Variants in GIN1 observed in about 807,000 individuals in gnomAD.
GIN1 encodes gypsy retrotransposon integrase-like protein 1.
GIN1 carries 41 observed loss-of-function variants against 51.4 expected under a neutral mutation model. The observed-to-expected ratio is 0.80, with a 90% CI of 0.62 to 1.04. The LOEUF (loss-of-function observed/expected upper bound fraction) is 1.04, where lower values mean the gene tolerates loss of function less well. Ranked by LOEUF, GIN1 falls within the 50% of genes least tolerant of loss-of-function variation. The pLI is 0.00. For synonymous variants in GIN1, 222 were observed against 206.5 expected, an observed-to-expected ratio of 1.07 and a Z score of -0.64; for missense variants, 610 against 612.4, an observed-to-expected ratio of 1.00 and a Z score of 0.04.
chr5:103,111,499 G>A (rs1252232850), intron 1 of GIN1, among the ~76,000 whole-genome samples: 1 of 152,118 alleles, frequency 6.6e-6, no homozygotes, highest in Non-Finnish European at 1.5e-5. Context: ...TTTATAAAAG[G>A]AAGATAAAAA....
intron 4 of GIN1, among the ~76,000 whole-genome samples, chr5:103,101,900 C>T (rs782090026): frequency 3.9e-5 from 6 of 152,282 alleles, no homozygotes; most frequent in Admixed American, 6.5e-5. Flanking sequence ...ATGGCCTTTA[C>T]GTACTCCATT....
chr5:103,105,327 G>C (rs1787694569), intron 3 of GIN1, among the ~76,000 whole-genome samples: 1 of 151,858 alleles, frequency 6.6e-6, no homozygotes, highest in South Asian at 2.1e-4. Flanking sequence ...ATCTTATTGG[G>C]TCTTATTCAC....
rs922906566 is a variant in GIN1 at position 103,086,950 on chromosome 5, T to C, written c.*948A>G. 3 of 152,252 alleles carry C rather than the reference T, an allele frequency of 2.0e-5. No homozygotes were observed. 9.4% of individuals were successfully genotyped at this position (152,252 alleles called of 1,614,324 possible). On this transcript the variant is annotated 3_prime_UTR_variant, in exon 8 of 8. Transcript: ENST00000399004. ...TACTGGTTATTTTATGATTTTATGATTGCAGAAAAAATTCTTAACGGATAC... is the reference window on the plus strand; with the variant it reads ...TACTGGTTATTTTATGATTTTATGACTGCAGAAAAAATTCTTAACGGATAC...
chr5:103,090,200 A>C (rs1381751198), intron 7 of GIN1, among the ~76,000 whole-genome samples: 4 of 152,194 alleles, frequency 2.6e-5, no homozygotes, highest in Non-Finnish European at 4.4e-5. Context: ...TAGGTGAGAG[A>C]ATTGCTTGAA....
intron 1 of GIN1, among the ~76,000 whole-genome samples, chr5:103,114,609 C>T (rs543008092): frequency 1.6e-4 from 24 of 152,196 alleles, no homozygotes; most frequent in African/African-American, 4.6e-4. Flanking sequence ...TATCTTTCAA[C>T]GTTCACATTA....
chr5:103,116,835 A>T (rs1414844640), intron 1 of GIN1, among the ~76,000 whole-genome samples: 1 of 152,030 alleles, frequency 6.6e-6, no homozygotes, highest in Non-Finnish European at 1.5e-5. Context: ...ACATCAATAG[A>T]TAATAAAAAA....
At chr5:103,108,463 A>G in intron 2 of GIN1, 106 bp downstream of exon 2, 1 of 722,328 alleles carries the variant, frequency 1.4e-6, no homozygotes, top group Non-Finnish European at 2.3e-6. Context: ...TCAACTGGTA[A>G]TTGTTTAGCA....
In GIN1 at chr5:103,086,612, G is replaced by C. The variant is rs1450620430; in HGVS notation, c.*1286C>G. 3.9e-5 allele frequency: 6 copies of C among 152,110 alleles called. No homozygotes were observed. In the East Asian group the frequency reaches 1.2e-3, roughly 29 times the overall value. The allele number at this position is 152,110 out of a possible 1,614,324, so 9.4% of individuals were successfully genotyped here. ...AATCCTATACATTCTTCAAGGTCAA[G>C]CTTAAATGATCCTTCTTCCATAAGG... is the stretch of plus-strand genomic sequence containing the variant. On this transcript the variant is annotated 3_prime_UTR_variant, in exon 8 of 8. Coordinates refer to ENST00000399004, the MANE Select transcript of GIN1 (RefSeq NM_017676.2).
Position 103,087,874 on chromosome 5 carries a change from AAT to A in GIN1, c.*22_*23del. 1.0e-6 allele frequency: 1 copy of A among 993,848 alleles called. No homozygotes were observed. Among genetic ancestry groups the A allele is most frequent in the Non-Finnish European group, 1.5e-6 (1 of 683,826 alleles). 61.6% of individuals were successfully genotyped at this position (993,848 alleles called of 1,614,324 possible). ...TTAAGAATTTATATTCTAAACAAAC[AAT>A]TTAAATAAATTTTGGTATTTACTAA... is the stretch of plus-strand genomic sequence containing the variant. On this transcript the variant is annotated 3_prime_UTR_variant, in exon 8 of 8. Transcript: ENST00000399004.
At chr5:103,095,713 A>G (rs1787373377) in intron 7 of GIN1, among the ~76,000 whole-genome samples, 1 of 152,154 alleles carries the variant, frequency 6.6e-6, no homozygotes, top group African/African-American at 2.4e-5. Flanking sequence ...CTAGAGGCCA[A>G]GAGTTCAAAA....
At chr5:103,114,284 C>A (rs1196065602) in intron 1 of GIN1, among the ~76,000 whole-genome samples, 1 of 152,154 alleles carries the variant, frequency 6.6e-6, no homozygotes, top group African/African-American at 2.4e-5. Flanking sequence ...GACAGGAATA[C>A]CTGTACCAGT....
chr5:103,104,566 T>C lies in GIN1; in HGVS notation c.614A>G (p.Asp205Gly). 6.5e-7 allele frequency: 1 copy of C among 1,531,684 alleles called. No individual in the cohort carries two copies. Among genetic ancestry groups the C allele is most frequent in the Non-Finnish European group, 9.0e-7 (1 of 1,107,910 alleles). The allele number at this position is 1,531,684 out of a possible 1,614,324, so 94.9% of individuals were successfully genotyped here. The change falls in exon 4 of 8, where the codon GAC becomes GGC. Residue 205 changes from aspartate (D) to glycine (G), a missense_variant. By Grantham distance (94) the Asp-to-Gly change is moderately conservative (BLOSUM62 -1). Transcript: ENST00000399004. ...LYGPPQKIIM[D>G]QRDEFIQQIN... ...CTGTTGAATGAATTCATCTCTTTGG[T>C]CCATTATTATTTTCTGAGGAGGTCC...
chr5:103,115,991 C>T (rs1400170904), intron 1 of GIN1, among the ~76,000 whole-genome samples: 1 of 152,050 alleles, frequency 6.6e-6, no homozygotes, highest in Non-Finnish European at 1.5e-5. Flanking sequence ...AGGCTTCTGA[C>T]TAGAATGCAG....
chr5:103,119,194 A>T (rs1199411597), intron 1 of GIN1, among the ~76,000 whole-genome samples: 1 of 152,236 alleles, frequency 6.6e-6, no homozygotes, highest in Non-Finnish European at 1.5e-5. Flanking sequence ...CCAAGGGTTA[A>T]AAACAAAGCC....
At chr5:103,109,061 T>C (rs1787805770) in intron 1 of GIN1, among the ~76,000 whole-genome samples, 1 of 152,116 alleles carries the variant, frequency 6.6e-6, no homozygotes, top group South Asian at 2.1e-4. Context: ...ATTCACAGGA[T>C]GGTAACACAG....
intron 3 of GIN1, among the ~76,000 whole-genome samples, chr5:103,105,252 C>T (rs1288106428): frequency 5.3e-5 from 8 of 152,084 alleles, no homozygotes; most frequent in African/African-American, 1.9e-4. Flanking sequence ...GATTTGGTGA[C>T]AGGAGTGTGG....
chr5:103,100,193 T>G (rs1352400535), intron 4 of GIN1, among the ~76,000 whole-genome samples: 1 of 151,768 alleles, frequency 6.6e-6, no homozygotes, highest in Non-Finnish European at 1.5e-5. Flanking sequence ...CTCAACCTCC[T>G]GGGCTCAAGC....
chr5:103,097,211 A>ATGTG, intron 6 of GIN1, 103 bp downstream of exon 6: 1 of 670,466 alleles, frequency 1.5e-6, no homozygotes. Flanking sequence ...GCAAGTAAGT[A>ATGTG]TGTGTGTGTG....
chr5:103,087,928 A>G lies in GIN1; in HGVS notation c.1539T>C (p.Ser513=), dbSNP rs1554194075. ...LEKQTFSLLD[S]SNQVLEYLS Reference sequence around the variant, plus strand: ...TTAAGTATTCAAGAACCTGGTTTGAAGAGTCCAACAGACTGAAAGTCTGCT... The same window carrying G: ...TTAAGTATTCAAGAACCTGGTTTGAGGAGTCCAACAGACTGAAAGTCTGCT... Residue 513 remains serine, a synonymous_variant, in exon 8 of 8, where the codon TCT becomes TCC. Coordinates refer to ENST00000399004, the MANE Select transcript of GIN1 (RefSeq NM_017676.2). The G allele has an allele frequency of 1.3e-6, 2 of 1,560,806 alleles. No homozygotes were observed. The highest frequency in any genetic ancestry group is 1.8e-6 in the Non-Finnish European group (2 of 1,142,622).
Sources: allele counts gnomAD v4.1 joint callset (sites outside exome capture counted in the v4.1 genomes callset), GRCh38; gene constraint gnomAD v4.1.1; transcripts MANE v1.5; gene names NCBI Gene and HGNC (gene_info 2026-07-23, HGNC 2026-07-21).